FRMPD1: variants seen among roughly 807,000 people sequenced by gnomAD.
FRMPD1 encodes FERM and PDZ domain containing 1.
Under a neutral mutation model 117.8 loss-of-function variants are expected in FRMPD1, and 76 were observed. The ratio of observed to expected loss-of-function variants is 0.65; its 90% CI spans 0.54 to 0.78. FRMPD1 has a LOEUF of 0.78. FRMPD1 is among the 30% of genes least tolerant of loss of function. FRMPD1 has a pLI of 0.00. For missense variants in FRMPD1, 1,786 were observed against 1,964.5 expected, an observed-to-expected ratio of 0.91 and a Z score of 1.72; for synonymous variants, 783 against 770.4, an observed-to-expected ratio of 1.02 and a Z score of -0.27.
chr9:37,650,066 G>A (rs1412935323), upstream of FRMPD1, among the ~76,000 whole-genome samples: 1 of 152,202 alleles, frequency 6.6e-6, no homozygotes, highest in Admixed American at 6.5e-5. Context: ...ACAGGAACTG[G>A]ACTGTATTTT....
At chr9:37,657,368 A>G (rs1031450102) in intron 1 of FRMPD1, among the ~76,000 whole-genome samples, 6 of 152,252 alleles carry the variant, frequency 3.9e-5, no homozygotes, top group Non-Finnish European at 7.3e-5. Context: ...AGAAGGATGC[A>G]AAAGGAAAAA....
At chr9:37,630,806 G>A in the FRMPD1 span, among the ~76,000 whole-genome samples, 4 of 152,168 alleles carry the variant, frequency 2.6e-5, no homozygotes, top group Non-Finnish European at 5.9e-5. Flanking sequence ...TATTTAGTTG[G>A]TTCTTTGTGG....
intron 1 of FRMPD1, among the ~76,000 whole-genome samples, chr9:37,675,000 G>A (rs973790962): frequency 1.3e-5 from 2 of 152,186 alleles, no homozygotes; most frequent in African/African-American, 4.8e-5. Flanking sequence ...ACATTATAGA[G>A]TTGTATACAG....
chr9:37,606,619 C>A, the FRMPD1 span, among the ~76,000 whole-genome samples: 1 of 152,118 alleles, frequency 6.6e-6, no homozygotes, highest in Non-Finnish European at 1.5e-5. Context: ...TTTTCTTTTC[C>A]CTCTTAGCTT....
At chr9:37,606,363 A>G in the FRMPD1 span, among the ~76,000 whole-genome samples, 2 of 152,238 alleles carry the variant, frequency 1.3e-5, no homozygotes, top group African/African-American at 4.8e-5. Flanking sequence ...TTTGGTGATG[A>G]AAGTGATGTC....
the FRMPD1 span, among the ~76,000 whole-genome samples, chr9:37,628,641 C>A: frequency 6.6e-6 from 1 of 152,174 alleles, no homozygotes; most frequent in East Asian, 1.9e-4. Flanking sequence ...CTTATCAGAA[C>A]CTAACCATGC....
upstream of FRMPD1, among the ~76,000 whole-genome samples, chr9:37,647,734 T>C (rs184900698): frequency 1.9e-3 from 285 of 152,296 alleles, 2 homozygotes; most frequent in Non-Finnish European, 3.1e-3. Context: ...CTTTATTTGC[T>C]GTATGCTGTA....
chr9:37,612,367 G>T, the FRMPD1 span, among the ~76,000 whole-genome samples: 1 of 150,936 alleles, frequency 6.6e-6, no homozygotes, highest in Non-Finnish European at 1.5e-5. Flanking sequence ...TTTTGTTTTT[G>T]AGACGGAGTC....
At chr9:37,692,133 G>T (rs1654498436) in intron 1 of FRMPD1, among the ~76,000 whole-genome samples, 1 of 152,096 alleles carries the variant, frequency 6.6e-6, no homozygotes, top group Admixed American at 6.6e-5. Context: ...AGCTAGTGTT[G>T]AATTATGTAA....
chr9:37,687,327 C>T (rs949004701), intron 1 of FRMPD1, among the ~76,000 whole-genome samples: 3 of 152,138 alleles, frequency 2.0e-5, no homozygotes, highest in African/African-American at 4.8e-5. Context: ...GAACCATGAT[C>T]GTGTGGGCCA....
intron 2 of FRMPD1, among the ~76,000 whole-genome samples, chr9:37,702,400 A>G (rs1370626425): frequency 6.6e-6 from 1 of 152,210 alleles, no homozygotes; most frequent in Non-Finnish European, 1.5e-5. Context: ...GTAACAATAT[A>G]TGGAGTCAGA....
At chr9:37,637,052 G>GC in the FRMPD1 span, 491 of 1,544,662 alleles carry the variant, frequency 3.2e-4, 2 homozygotes, top group African/African-American at 5.5e-3. Flanking sequence ...GAAGCCATGA[G>GC]CCCCCCGGTA....
chr9:37,658,924 T>C (rs1242956226), intron 1 of FRMPD1, among the ~76,000 whole-genome samples: 1 of 152,176 alleles, frequency 6.6e-6, no homozygotes, highest in African/African-American at 2.4e-5. Flanking sequence ...TGGAGTGCAG[T>C]GGCATGATCA....
At chr9:37,695,241 C>G (rs1174131295) in intron 2 of FRMPD1, among the ~76,000 whole-genome samples, 2 of 152,150 alleles carry the variant, frequency 1.3e-5, no homozygotes, top group Non-Finnish European at 2.9e-5. Context: ...AGACTGTTTC[C>G]CAGAGTGGCC....
chr9:37,708,303 G>A, intron 3 of FRMPD1, 96 bp from the exon 4 acceptor site: 1 of 726,512 alleles, frequency 1.4e-6, no homozygotes, highest in Non-Finnish European at 2.4e-6. Flanking sequence ...GTGCCCCTGG[G>A]AACTGGATCA....
chr9:37,683,297 A>G (rs368629481), intron 1 of FRMPD1, among the ~76,000 whole-genome samples: 4 of 152,238 alleles, frequency 2.6e-5, no homozygotes, highest in African/African-American at 7.2e-5. Flanking sequence ...TGGTCACACA[A>G]CTGAGCTCAC....
chr9:37,743,626 G>A (rs113745357), intron 15 of FRMPD1, among the ~76,000 whole-genome samples: 74 of 143,552 alleles, frequency 5.2e-4, no homozygotes, highest in Middle Eastern at 3.9e-3. Context: ...GAGCATCTTC[G>A]TGAACAGTTC....
intron 14 of FRMPD1, among the ~76,000 whole-genome samples, chr9:37,739,307 G>T (rs1484895512): frequency 2.6e-5 from 4 of 152,220 alleles, no homozygotes; most frequent in African/African-American, 9.6e-5. Flanking sequence ...GTCTGTAACT[G>T]TTGTGGGGGA....
At chr9:37,683,396 G>A (rs2117946179) in intron 1 of FRMPD1, among the ~76,000 whole-genome samples, 1 of 152,334 alleles carries the variant, frequency 6.6e-6, no homozygotes, top group East Asian at 1.9e-4. Context: ...TGGAATGTAA[G>A]CCTTACACCA....
Sources: gnomAD v4.1 joint callset for allele counts (sites outside exome capture counted in the v4.1 genomes callset) on GRCh38, gnomAD v4.1.1 for gene constraint, MANE v1.5 for transcripts, NCBI Gene and HGNC (gene_info 2026-07-23, HGNC 2026-07-21) for gene names.